Variants in RSPH14 observed in about 807,000 individuals in gnomAD.
RSPH14 encodes radial spoke head 14 homolog.
Under a neutral mutation model 26.7 loss-of-function variants are expected in RSPH14, and 20 were observed. The observed-to-expected ratio is 0.75, with a 90% confidence interval of 0.53 to 1.09. The LOEUF (loss-of-function observed/expected upper bound fraction) is 1.09. Among genes scored for constraint, RSPH14 ranks in the 50% least tolerant of loss-of-function variants. The pLI is 0.00. For synonymous variants in RSPH14, 177 were observed against 189.3 expected (o/e 0.93, Z 0.53); for missense variants, 449 against 457.2 (o/e 0.98, Z 0.16).
At chr22:23,078,258 C>T (rs981196330) in intron 4 of RSPH14, among the ~76,000 whole-genome samples, 12 of 152,234 alleles carry the variant, frequency 7.9e-5, no homozygotes, top group Middle Eastern at 3.2e-3. Flanking sequence ...TATCCAATTT[C>T]GGATTAATCA....
At chr22:23,156,125 A>C in the RSPH14 span, 1 of 876,132 alleles carries the variant, frequency 1.1e-6, no homozygotes. Context: ...CTGCACAGGC[A>C]CCAGTTTTTT....
At chr22:23,139,032 G>A (rs2070539176) in intron 2 of RSPH14, 90 bp from the exon 3 acceptor site, 1 of 967,198 alleles carries the variant, frequency 1.0e-6, no homozygotes, top group South Asian at 1.5e-5. Context: ...AAGTGGGCCA[G>A]TTGGGGCAGG....
rs1227709638 is a variant in RSPH14 at position 23,096,261 on chromosome 22, A to G, written c.422-32128T>C. On this transcript the variant is annotated intron_variant, in intron 4 of 6. Transcript: ENST00000216036. ...ATGACCACGGGCATTGTGGAGAACA[A>G]GTTCACCTTCAAGGAGCTCACCTTC... 6.2e-7 allele frequency: 1 copy of G among 1,613,916 alleles called. No individual in the cohort carries two copies. The highest frequency in any genetic ancestry group is 8.5e-7 in the Non-Finnish European group (1 of 1,180,026).
chr22:23,147,702 G>A (rs73878653), upstream of RSPH14, among the ~76,000 whole-genome samples: 15 of 152,314 alleles, frequency 9.8e-5, no homozygotes, highest in African/African-American at 2.6e-4. Context: ...CATAAGGATA[G>A]GGGTTGGAGC....
intron 4 of RSPH14, among the ~76,000 whole-genome samples, chr22:23,130,530 A>AAGAAAGAAAGAAAGAAAG (rs1569193238): frequency 2.4e-5 from 3 of 124,504 alleles, no homozygotes; most frequent in East Asian, 4.8e-4. Context: ...GAAAGAAAGA[A>AAGAAAGAAAGAAAGAAAG]AGAGAAAGAA....
At chr22:23,158,152 A>T in the RSPH14 span, 1 of 1,537,378 alleles carries the variant, frequency 6.5e-7, no homozygotes, top group African/African-American at 1.4e-5. Context: ...GGTGTGAGTG[A>T]CCAGGGCCCC....
chr22:23,123,470 C>A, intron 4 of RSPH14: 1 of 1,382,246 alleles, frequency 7.2e-7, no homozygotes, highest in Non-Finnish European at 1.0e-6. Flanking sequence ...TGGTGAAACC[C>A]ACGGGGTGTC....
intron 4 of RSPH14, among the ~76,000 whole-genome samples, chr22:23,078,097 TG>T (rs2068555821): frequency 6.6e-6 from 1 of 152,222 alleles, no homozygotes. Context: ...GGACCCCTGC[TG>T]GTGAGGGCGG....
At chr22:23,122,837 G>T in intron 4 of RSPH14, 1 of 566,914 alleles carries the variant, frequency 1.8e-6, no homozygotes, top group Non-Finnish European at 3.1e-6. Context: ...GCACCCAGAG[G>T]AGAGACCCAA....
chr22:23,094,805 G>A (rs761905362), intron 4 of RSPH14, among the ~76,000 whole-genome samples: 2 of 152,238 alleles, frequency 1.3e-5, no homozygotes, highest in Non-Finnish European at 2.9e-5. Context: ...GGTAATGAGA[G>A]TCAGGGAGGC....
the RSPH14 span, among the ~76,000 whole-genome samples, chr22:23,175,443 A>G: frequency 6.6e-6 from 1 of 152,068 alleles, no homozygotes; most frequent in African/African-American, 2.4e-5. Context: ...TACTGGATCC[A>G]AGCAATTCTC....
In RSPH14 at chr22:23,136,048, A is replaced by G. The variant is rs570742385; in HGVS notation, c.303-1904T>C. 3 of 368,424 alleles carry G rather than the reference A, an allele frequency of 8.1e-6. No individual in the cohort carries two copies. In the East Asian group the frequency reaches 1.2e-4, roughly 15 times the overall value. 22.8% of individuals were successfully genotyped at this position (368,424 alleles called of 1,614,324 possible). ...ATGGTGTGTTTTGAATCGTCTGGAAAAAGAAAGTCACCGTTGGACACACAA... is the reference window on the plus strand; with the variant it reads ...ATGGTGTGTTTTGAATCGTCTGGAAGAAGAAAGTCACCGTTGGACACACAA... On this transcript the variant is annotated intron_variant, in intron 3 of 6. Transcript: ENST00000216036.
chr22:23,152,140 C>T, the RSPH14 span, among the ~76,000 whole-genome samples: 3 of 152,236 alleles, frequency 2.0e-5, no homozygotes, highest in Non-Finnish European at 4.4e-5. Context: ...TTGGTTACCA[C>T]AGCCACACCC....
At chr22:23,125,949 G>A (rs150723497) in intron 4 of RSPH14, among the ~76,000 whole-genome samples, 10 of 151,982 alleles carry the variant, frequency 6.6e-5, no homozygotes, top group African/African-American at 2.2e-4. Flanking sequence ...GCACACACGC[G>A]CAGATACGCA....
the RSPH14 span, among the ~76,000 whole-genome samples, chr22:23,154,221 C>T: frequency 6.6e-6 from 1 of 152,164 alleles, no homozygotes; most frequent in African/African-American, 2.4e-5. Flanking sequence ...CTTCCGTGCT[C>T]CCCTACATGG....
chr22:23,060,325 G>C (rs372694193), intron 6 of RSPH14, among the ~76,000 whole-genome samples: 1 of 151,906 alleles, frequency 6.6e-6, no homozygotes, highest in Admixed American at 6.6e-5. Flanking sequence ...CAAAAAATTA[G>C]CCGGGCATGG....
intron 4 of RSPH14, among the ~76,000 whole-genome samples, chr22:23,069,716 G>A (rs1344693999): frequency 6.6e-6 from 1 of 152,288 alleles, no homozygotes; most frequent in African/African-American, 2.4e-5. Flanking sequence ...GGTGGCGGCG[G>A]GGGGCGGCGG....
At chr22:23,059,755 A>C in intron 6 of RSPH14, 37 bp from the exon 7 acceptor site, 3 of 1,494,764 alleles carry the variant, frequency 2.0e-6, no homozygotes, top group Non-Finnish European at 2.7e-6. Context: ...CAAACAGCCC[A>C]AGGGGCCCTC....
chr22:23,176,527 T>C, the RSPH14 span, among the ~76,000 whole-genome samples: 2 of 152,224 alleles, frequency 1.3e-5, no homozygotes, highest in African/African-American at 4.8e-5. Context: ...CTGGTCCCAC[T>C]TTCTCTCTTG....
Sources: allele counts gnomAD v4.1 joint callset (sites outside exome capture counted in the v4.1 genomes callset), GRCh38; gene constraint gnomAD v4.1.1; transcripts MANE v1.5; gene names NCBI Gene and HGNC (gene_info 2026-07-23, HGNC 2026-07-21).